TNFAIP8: variants seen among roughly 807,000 people sequenced by gnomAD.
TNFAIP8 encodes tumor necrosis factor alpha-induced protein 8.
Under a neutral mutation model 13.3 loss-of-function variants are expected in TNFAIP8, and 7 were observed. That is an observed-to-expected ratio of 0.52 (90% CI 0.30 to 0.99). The LOEUF (loss-of-function observed/expected upper bound fraction) is 0.99. Among genes scored for constraint, TNFAIP8 ranks in the 50% least tolerant of loss-of-function variants. TNFAIP8 has a pLI of 0.07. For synonymous variants in TNFAIP8, 94 were observed against 87.6 expected (o/e 1.07, Z -0.41); for missense variants, 258 against 236.9 (o/e 1.09, Z -0.58).
chr5:119,286,384 G>A (rs1748777695), intron 1 of TNFAIP8, among the ~76,000 whole-genome samples: 1 of 152,202 alleles, frequency 6.6e-6, no homozygotes, highest in Non-Finnish European at 1.5e-5. Context: ...CACTTTTGGA[G>A]GCCGAGGTGG....
chr5:119,381,229 C>T (rs928410692), intron 1 of TNFAIP8, among the ~76,000 whole-genome samples: 1 of 152,180 alleles, frequency 6.6e-6, no homozygotes, highest in African/African-American at 2.4e-5. Context: ...CTCTCCCTGC[C>T]AAACAAAGCC....
At chr5:119,294,178 T>C (rs1749088682) in intron 1 of TNFAIP8, among the ~76,000 whole-genome samples, 1 of 151,728 alleles carries the variant, frequency 6.6e-6, no homozygotes, top group Admixed American at 6.6e-5. Flanking sequence ...GTATATCTCC[T>C]AATGCTATCC....
chr5:119,357,747 G>C (rs1043278686), intron 1 of TNFAIP8, among the ~76,000 whole-genome samples: 2 of 151,628 alleles, frequency 1.3e-5, no homozygotes, highest in African/African-American at 4.8e-5. Context: ...TCTGCAGATC[G>C]GCCACAAATG....
intron 1 of TNFAIP8, among the ~76,000 whole-genome samples, chr5:119,359,952 G>C (rs1044172272): frequency 6.6e-6 from 1 of 152,194 alleles, no homozygotes; most frequent in Non-Finnish European, 1.5e-5. Context: ...TGCTGACAAG[G>C]ACTAAAAGTG....
At chr5:119,276,375 C>T (rs1010348756) in intron 1 of TNFAIP8, among the ~76,000 whole-genome samples, 4 of 152,138 alleles carry the variant, frequency 2.6e-5, no homozygotes, top group African/African-American at 7.2e-5. Flanking sequence ...GCCTTGGCCT[C>T]CCAAAGTGTT....
chr5:119,342,656 T>A (rs950592729), intron 1 of TNFAIP8, among the ~76,000 whole-genome samples: 1 of 152,248 alleles, frequency 6.6e-6, no homozygotes, highest in Admixed American at 6.5e-5. Context: ...ATTTGGCTGC[T>A]ATCTCTAGTC....
chr5:119,361,718 T>C (rs929527641), intron 1 of TNFAIP8, among the ~76,000 whole-genome samples: 2 of 152,206 alleles, frequency 1.3e-5, no homozygotes, highest in African/African-American at 4.8e-5. Context: ...ACCTGCCATT[T>C]ATGCTTGGTG....
At chr5:119,292,095 C>G (rs539083461) in intron 1 of TNFAIP8, among the ~76,000 whole-genome samples, 3 of 152,224 alleles carry the variant, frequency 2.0e-5, no homozygotes, top group East Asian at 1.9e-4. Flanking sequence ...AATGAGAGTT[C>G]CCCAGTTCCC....
Position 119,289,346 on chromosome 5 carries a change from C to A in TNFAIP8, c.1+20439C>A, listed in dbSNP as rs566628834. ...TATTTATGACTTAAAGAGAGGCATT[C>A]GGTCTTACTAGTCACCCAGAGCAGT... On this transcript the variant is annotated intron_variant, in intron 1 of 1. Transcript: ENST00000274456. 6.6e-5 allele frequency among the ~76,000 whole-genome samples: 10 copies of A among 152,194 alleles called. No homozygotes were observed. In the South Asian group the frequency reaches 1.5e-3, roughly 22 times the overall value.
intron 1 of TNFAIP8, among the ~76,000 whole-genome samples, chr5:119,280,457 C>A (rs1333023786): frequency 6.6e-6 from 1 of 151,886 alleles, no homozygotes; most frequent in Non-Finnish European, 1.5e-5. Flanking sequence ...GAGTTTCCCA[C>A]AGTGTTGATA....
chr5:119,389,482 G>C (rs1752812452), intron 1 of TNFAIP8, among the ~76,000 whole-genome samples: 1 of 152,154 alleles, frequency 6.6e-6, no homozygotes, highest in African/African-American at 2.4e-5. Context: ...ACTTTTAAGG[G>C]ATCTGGTAGA....
intron 1 of TNFAIP8, among the ~76,000 whole-genome samples, chr5:119,278,760 C>G (rs569277408): frequency 6.6e-6 from 1 of 152,088 alleles, no homozygotes; most frequent in Non-Finnish European, 1.5e-5. Context: ...AACTAACCAC[C>G]CATGATGGTA....
intron 1 of TNFAIP8, among the ~76,000 whole-genome samples, chr5:119,281,589 T>C (rs1237582082): frequency 6.6e-6 from 1 of 152,230 alleles, no homozygotes; most frequent in Non-Finnish European, 1.5e-5. Flanking sequence ...CTATGATTAC[T>C]GAAAACAATA....
chr5:119,398,202 T>A lies in TNFAIP8; in HGVS notation c.*4821T>A, dbSNP rs1001219223. Reference sequence around the variant, plus strand: ...AGGAAATTCTCCGCCTTCCCTGACATCAGCTGCATAACTGTATTTCTGCCT... The same window carrying A: ...AGGAAATTCTCCGCCTTCCCTGACAACAGCTGCATAACTGTATTTCTGCCT... On this transcript the variant is annotated 3_prime_UTR_variant, in exon 2 of 2. Transcript: ENST00000504771. The A allele has an allele frequency of 6.6e-6, 1 of 152,242 alleles. No individual in the cohort carries two copies. The highest frequency in any genetic ancestry group is 1.5e-5 in the Non-Finnish European group (1 of 68,042). The allele number at this position is 152,242 out of a possible 1,614,324, so 9.4% of individuals were successfully genotyped here. A position where few individuals can be genotyped will look rare whatever the true frequency, so the allele number is the denominator to read the frequency against.
intron 1 of TNFAIP8, among the ~76,000 whole-genome samples, chr5:119,276,598 C>T (rs1748457218): frequency 6.6e-6 from 1 of 152,178 alleles, no homozygotes; most frequent in South Asian, 2.1e-4. Flanking sequence ...GGTTTGATTT[C>T]CCTGAGGCCT....
chr5:119,356,000 G>T (rs865956594), upstream of TNFAIP8: 3 of 1,527,868 alleles, frequency 2.0e-6, no homozygotes, highest in Middle Eastern at 3.4e-4. Context: ...TTTATTTTCC[G>T]TCGTGTGCGG....
At chr5:119,285,721 A>G (rs780823024) in intron 1 of TNFAIP8, among the ~76,000 whole-genome samples, 1 of 152,220 alleles carries the variant, frequency 6.6e-6, no homozygotes, top group Non-Finnish European at 1.5e-5. Flanking sequence ...TTTTGATACA[A>G]AAAGCGTTCA....
Position 119,397,125 on chromosome 5 carries a change from A to G in TNFAIP8, c.*3744A>G, listed in dbSNP as rs1417957291. On this transcript the variant is annotated 3_prime_UTR_variant, in exon 2 of 2. Coordinates refer to ENST00000504771, the MANE Select transcript of TNFAIP8 (RefSeq NM_014350.4). ...AAGTTCTTTTTCTCCCACCATGTGAATACACACACACACACACACACACAC... is the reference window on the plus strand; with the variant it reads ...AAGTTCTTTTTCTCCCACCATGTGAGTACACACACACACACACACACACAC... The G allele has an allele frequency of 2.0e-5, 2 of 99,690 alleles. No homozygotes were observed. The highest frequency in any genetic ancestry group is 1.9e-4 in the Admixed American group (2 of 10,444). 6.2% of individuals were successfully genotyped at this position (99,690 alleles called of 1,614,324 possible).
At chr5:119,390,109 T>TA (rs1752837759) in intron 1 of TNFAIP8, among the ~76,000 whole-genome samples, 1 of 152,236 alleles carries the variant, frequency 6.6e-6, no homozygotes, top group Non-Finnish European at 1.5e-5. Context: ...CCCTCTGGTT[T>TA]CAATATTTCA....
Sources: gnomAD v4.1 joint callset for allele counts (sites outside exome capture counted in the v4.1 genomes callset) on GRCh38, gnomAD v4.1.1 for gene constraint, MANE v1.5 for transcripts, NCBI Gene and HGNC (gene_info 2026-07-23, HGNC 2026-07-21) for gene names.